ZNF26: variants seen among roughly 807,000 people sequenced by gnomAD.
ZNF26 encodes the protein zinc finger protein 26.
In ZNF26, 32 loss-of-function variants were observed where a neutral mutation model predicts 54.9. The observed-to-expected ratio is 0.58, with a 90% CI of 0.44 to 0.78. ZNF26 has a LOEUF of 0.78. Among genes scored for constraint, ZNF26 ranks in the 30% least tolerant of loss-of-function variants. ZNF26 has a pLI of 0.00. For missense variants in ZNF26, 524 were observed against 634.0 expected, an observed-to-expected ratio of 0.83 and a Z score of 1.86; for synonymous variants, 221 against 209.2, an observed-to-expected ratio of 1.06 and a Z score of -0.49.
rs1251398080 is a variant in ZNF26 at position 133,024,066 on chromosome 12, G to C, written c.*12585G>C. ...AACAGGAACCATCAGAAATAATAAC[G>C]TCTTTGTTGCTATTTGTGCTATAAT... On this transcript the variant is annotated 3_prime_UTR_variant, in exon 4 of 4. Coordinates refer to ENST00000328654, the MANE Select transcript of ZNF26 (RefSeq NM_019591.4). 6.6e-6 allele frequency: 1 copy of C among 152,052 alleles called. No homozygotes were observed. The highest frequency in any genetic ancestry group is 6.6e-5 in the Admixed American group (1 of 15,256). 9.4% of individuals were successfully genotyped at this position (152,052 alleles called of 1,614,324 possible). A position where few individuals can be genotyped will look rare whatever the true frequency, so the allele number is the denominator to read the frequency against.
intron 1 of ZNF26, chr12:132,987,710 C>T (rs949492309): frequency 2.0e-6 from 2 of 985,246 alleles, no homozygotes; most frequent in South Asian, 4.7e-5. Flanking sequence ...CATAAAGACA[C>T]CTTATTGTAT....
intron 1 of ZNF26, among the ~76,000 whole-genome samples, chr12:132,993,027 CTTT>C (rs71079156): frequency 2.3e-5 from 3 of 129,412 alleles, no homozygotes; most frequent in African/African-American, 5.6e-5. Flanking sequence ...ACTAGTATTT[CTTT>C]TTTTTTTTTT....
chr12:132,987,741 A>G, intron 1 of ZNF26: 4 of 985,352 alleles, frequency 4.1e-6, no homozygotes, highest in Non-Finnish European at 4.8e-6. Context: ...TCAGAGTGTG[A>G]CCAACTGGAA....
rs1953713203 is a variant in ZNF26, at chr12:133,026,931, A to C, written c.*15450A>C. On this transcript the variant is annotated 3_prime_UTR_variant, in exon 4 of 4. Coordinates refer to ENST00000328654, the MANE Select transcript of ZNF26 (RefSeq NM_019591.4). ...TAGAAATAGAGTGATATGAAACATA[A>C]ATACCTATATAGGTTAAGAAAAATA... is the stretch of plus-strand genomic sequence containing the variant. 6.6e-6 allele frequency: 1 copy of C among 152,230 alleles called. No individual in the cohort carries two copies. Among genetic ancestry groups the C allele is most frequent in the African/African-American group, 2.4e-5 (1 of 41,452 alleles). 9.4% of individuals were successfully genotyped at this position (152,230 alleles called of 1,614,324 possible).
chr12:132,992,523 C>T (rs1358718773), intron 1 of ZNF26, among the ~76,000 whole-genome samples: 1 of 152,034 alleles, frequency 6.6e-6, no homozygotes, highest in Non-Finnish European at 1.5e-5. Context: ...ATTACTTCAG[C>T]GAAATTTTCA....
chr12:132,996,789 A>C (rs1953094210), intron 1 of ZNF26, among the ~76,000 whole-genome samples: 1 of 152,110 alleles, frequency 6.6e-6, no homozygotes, highest in African/African-American at 2.4e-5. Flanking sequence ...GCATTTTCTT[A>C]CTATATTTTC....
At chr12:132,988,027 G>C (rs1952861750) in intron 1 of ZNF26, among the ~76,000 whole-genome samples, 1 of 151,876 alleles carries the variant, frequency 6.6e-6, no homozygotes, top group African/African-American at 2.4e-5. Context: ...TTATTTTTTT[G>C]AGACGGAGTC....
chr12:133,003,867 G>A (rs1953270682), intron 1 of ZNF26, among the ~76,000 whole-genome samples: 1 of 152,162 alleles, frequency 6.6e-6, no homozygotes, highest in African/African-American at 2.4e-5. Flanking sequence ...TCTGTTGGCT[G>A]TAGTGAGACC....
intron 1 of ZNF26, chr12:133,005,741 C>G (rs1368139692): frequency 1.3e-5 from 2 of 152,194 alleles, no homozygotes; most frequent in East Asian, 3.8e-4. Flanking sequence ...GGCATGCTGT[C>G]TGTCTCTCAT....
rs1446915209 is a variant in ZNF26 at position 133,017,078 on chromosome 12, T to A, written c.*5597T>A. ...TTTAATACCAAGAAAGTTGGAAACA[T>A]AAAAAAATAAAAAGTCATGCTCGGC... is the stretch of plus-strand genomic sequence containing the variant. On this transcript the variant is annotated 3_prime_UTR_variant, in exon 4 of 4. Coordinates refer to ENST00000328654, the MANE Select transcript of ZNF26 (RefSeq NM_019591.4). 2 of 151,926 alleles carry A rather than the reference T, an allele frequency of 1.3e-5. No individual in the cohort carries two copies. Among genetic ancestry groups the A allele is most frequent in the Admixed American group, 6.6e-5 (1 of 15,240 alleles). The allele number at this position is 151,926 out of a possible 1,614,324, so 9.4% of individuals were successfully genotyped here.
rs1476198572 is a variant in ZNF26 at position 133,014,557 on chromosome 12, T to G, written c.*3076T>G. ...TTTTTTTGTTTTGTTTTGTTTTTTT[T>G]TTTTTTTGAGACGGAGTCTTGTTCT... On this transcript the variant is annotated 3_prime_UTR_variant, in exon 4 of 4. Transcript: ENST00000328654. The G allele has an allele frequency of 1.3e-5, 2 of 151,584 alleles. No homozygotes were observed. The highest frequency in any genetic ancestry group is 2.9e-5 in the Non-Finnish European group (2 of 67,886). The allele number at this position is 151,584 out of a possible 1,614,324, so 9.4% of individuals were successfully genotyped here.
At chr12:133,008,017 T>C (rs1953371015) in intron 3 of ZNF26, among the ~76,000 whole-genome samples, 1 of 152,176 alleles carries the variant, frequency 6.6e-6, no homozygotes, top group Non-Finnish European at 1.5e-5. Flanking sequence ...CCTTTTGCGT[T>C]GTCCAGAGGG....
chr12:132,992,181 G>A (rs1253147173), intron 1 of ZNF26, among the ~76,000 whole-genome samples: 3 of 152,028 alleles, frequency 2.0e-5, no homozygotes, highest in African/African-American at 7.2e-5. Context: ...TTTCTGACCT[G>A]TATTTTCCTT....
chr12:133,007,226 T>G (rs1255155832), intron 2 of ZNF26, 58 bp downstream of exon 2: 43 of 1,592,790 alleles, frequency 2.7e-5, no homozygotes, highest in Non-Finnish European at 3.5e-5. Context: ...CATCCCTTTT[T>G]TTGTTGTTGA....
In ZNF26 at chr12:132,986,609, A is replaced by G; in HGVS notation, c.-232A>G. 1.7e-6 allele frequency: 1 copy of G among 590,470 alleles called. No individual in the cohort carries two copies. Among genetic ancestry groups the G allele is most frequent in the South Asian group, 2.0e-5 (1 of 49,872 alleles). The allele number at this position is 590,470 out of a possible 1,614,324, so 36.6% of individuals were successfully genotyped here. ...CCGAGTCAGGGCCACGGAAAGGCAC[A>G]AATCCATCCGTGCGACTCCTGGTAC... On this transcript the variant is annotated 5_prime_UTR_variant, in exon 1 of 4. Coordinates refer to ENST00000328654, the MANE Select transcript of ZNF26 (RefSeq NM_019591.4).
chr12:133,019,391 A>G lies in ZNF26; in HGVS notation c.*7910A>G, dbSNP rs1253862483. 6.6e-6 allele frequency: 1 copy of G among 152,192 alleles called. No homozygotes were observed. The highest frequency in any genetic ancestry group is 6.5e-5 in the Admixed American group (1 of 15,278). The allele number at this position is 152,192 out of a possible 1,614,324, so 9.4% of individuals were successfully genotyped here. On this transcript the variant is annotated 3_prime_UTR_variant, in exon 4 of 4. Transcript: ENST00000328654. ...AAAACCCCAAACTCCAGATATTCCA[A>G]TTATAAAGTAGGCAAAAGATCCAAA...
chr12:132,989,504 T>G (rs1952901319), intron 1 of ZNF26, among the ~76,000 whole-genome samples: 1 of 152,246 alleles, frequency 6.6e-6, no homozygotes, highest in African/African-American at 2.4e-5. Context: ...TATTTACATA[T>G]ACATAAGATA....
intron 3 of ZNF26, among the ~76,000 whole-genome samples, chr12:133,009,364 G>A (rs1000596262): frequency 2.0e-5 from 3 of 152,126 alleles, no homozygotes; most frequent in African/African-American, 4.8e-5. Context: ...AGGCCAAGGC[G>A]GGCGGATCGC....
intron 1 of ZNF26, among the ~76,000 whole-genome samples, chr12:133,002,351 C>T (rs997466045): frequency 2.0e-4 from 30 of 152,158 alleles, no homozygotes; most frequent in African/African-American, 6.5e-4. Flanking sequence ...CTTTGGCCTA[C>T]ACTGCCTTCT....
Sources: allele counts gnomAD v4.1 joint callset (sites outside exome capture counted in the v4.1 genomes callset), GRCh38; gene constraint gnomAD v4.1.1; transcripts MANE v1.5; gene names NCBI Gene and HGNC (gene_info 2026-07-23, HGNC 2026-07-21).